Variants in CLASP2 observed in about 807,000 individuals in gnomAD.
CLASP2 encodes the protein cytoplasmic linker associated protein 2.
A neutral mutation model predicts 194.4 loss-of-function variants in CLASP2; 47 were observed. The ratio of observed to expected loss-of-function variants is 0.24; its 90% CI spans 0.19 to 0.31. CLASP2 has a LOEUF of 0.31. CLASP2 is among the 10% of genes least tolerant of loss of function. The pLI is 1.00. For synonymous variants in CLASP2, 619 were observed against 633.5 expected (o/e 0.98, Z 0.34); for missense variants, 1,445 against 1,823.6 (o/e 0.79, Z 3.78).
At position 33,498,584 on chromosome 3, in the gene CLASP2, T is replaced by C. The variant is rs746678976; in HGVS notation, c.*47A>G. 4.1e-6 allele frequency: 5 copies of C among 1,220,554 alleles called. No homozygotes were observed. The highest frequency in any genetic ancestry group is 1.5e-5 in the African/African-American group (1 of 66,750). 75.6% of individuals were successfully genotyped at this position (1,220,554 alleles called of 1,614,324 possible). A position where few individuals can be genotyped will look rare whatever the true frequency, so the allele number is the denominator to read the frequency against. On this transcript the variant is annotated 3_prime_UTR_variant, in exon 39 of 39. Transcript: ENST00000682230. ...CTTCCTTTCATTGATGAGGGTGGTC[T>C]ATCTGTCCTTTCTTTTGAGAGACCT...
At chr3:33,565,860 T>C (rs958000004) in intron 27 of CLASP2, among the ~76,000 whole-genome samples, 3 of 151,382 alleles carry the variant, frequency 2.0e-5, no homozygotes, top group Admixed American at 6.6e-5. Context: ...ATAAATAAAA[T>C]ATATGTTAAT....
chr3:33,717,947 C>G lies in CLASP2; in HGVS notation c.56G>C (p.Gly19Ala), dbSNP rs1426417222. ...FCAQVQQKDV[G>A]GRLQVGQELL... is the part of the protein sequence containing the mutation. ...CTCCTGGCCGACCTGCAGCCGGCCG[C>G]CGACGTCCTTCTGCTGCACCTGGGC... The change falls in exon 1 of 39, where the codon GGC becomes GCC. Residue 19 changes from glycine to alanine, a missense_variant. By Grantham distance (60) the Gly-to-Ala change is moderately conservative. Transcript: ENST00000682230. The G allele has an allele frequency of 1.9e-5, 30 of 1,546,232 alleles. No individual in the cohort carries two copies. The highest frequency in any genetic ancestry group is 2.4e-5 in the East Asian group (1 of 40,938).
rs982283557 is a variant in CLASP2 at position 33,687,204 on chromosome 3, A to G, written c.471-69T>C. The G allele has an allele frequency of 2.4e-5, 23 of 941,634 alleles. 1 individual carries two copies. Among genetic ancestry groups the G allele is most frequent in the South Asian group, 7.7e-5 (5 of 65,062 alleles). The allele number at this position is 941,634 out of a possible 1,614,324, so 58.3% of individuals were successfully genotyped here. On this transcript the variant is annotated intron_variant, in intron 4 of 38. Coordinates refer to ENST00000682230, the MANE Select transcript of CLASP2 (RefSeq NM_001365631.1). ...TAAACAGTAAACAAAATATCCTTAT[A>G]CCTTCTTGTCTGTAGCAATATAACA...
chr3:33,586,320 A>G (rs991164950), intron 21 of CLASP2, among the ~76,000 whole-genome samples: 1 of 152,006 alleles, frequency 6.6e-6, no homozygotes, highest in Admixed American at 6.6e-5. Context: ...TTTTTAGTAG[A>G]GACAGGATTT....
At chr3:33,548,445 G>A (rs376856533) in intron 30 of CLASP2, among the ~76,000 whole-genome samples, 63 of 151,802 alleles carry the variant, frequency 4.2e-4, no homozygotes, top group Middle Eastern at 3.4e-3. Flanking sequence ...CTGCAGGTGC[G>A]TGCCACCACA....
chr3:33,650,611 T>C (rs2083016739), intron 7 of CLASP2, among the ~76,000 whole-genome samples: 1 of 148,498 alleles, frequency 6.7e-6, no homozygotes, highest in Non-Finnish European at 1.5e-5. Context: ...GGAAATGAAG[T>C]AGGAATAGAT....
intron 34 of CLASP2, among the ~76,000 whole-genome samples, chr3:33,526,053 G>A (rs570580112): frequency 5.9e-4 from 89 of 151,976 alleles, no homozygotes; most frequent in Middle Eastern, 3.4e-3. Flanking sequence ...CCACCAAAGC[G>A]TGGGCAGGCT....
chr3:33,713,035 A>AAAAAAAAAAAAAG (rs2093108228), intron 1 of CLASP2, among the ~76,000 whole-genome samples: 1 of 149,138 alleles, frequency 6.7e-6, no homozygotes, highest in East Asian at 2.0e-4. Flanking sequence ...AAAAAAAAAA[A>AAAAAAAAAAAAAG]AAAAGAAAGT....
At chr3:33,646,302 G>A (rs775961762) in intron 7 of CLASP2, among the ~76,000 whole-genome samples, 1 of 151,742 alleles carries the variant, frequency 6.6e-6, no homozygotes, top group African/African-American at 2.4e-5. Flanking sequence ...GAATCAAATA[G>A]ACACTCTAAA....
At position 33,584,782 on chromosome 3, in the gene CLASP2, C is replaced by G; in HGVS notation, c.2207G>C (p.Ser736Thr). ...AAGCCTAGATGGACTAGCCTCTCTG[C>G]TACAGCCCTGGCTCCGTGGTATCTT... Reference protein sequence around the residue: ...RSKIPRSQGCSREASPSRLSV... With the variant: ...RSKIPRSQGCTREASPSRLSV... The change falls in exon 22 of 39, where the codon AGC (serine) becomes ACC (threonine). Residue 736 changes from serine (S) to threonine (T), a missense_variant. By Grantham distance (58) the Ser-to-Thr change is moderately conservative. Transcript: ENST00000682230. 6.2e-7 allele frequency: 1 copy of G among 1,605,710 alleles called. No homozygotes were observed. The highest frequency in any genetic ancestry group is 8.5e-7 in the Non-Finnish European group (1 of 1,175,556).
chr3:33,550,860 G>T (rs1206633104), intron 30 of CLASP2, among the ~76,000 whole-genome samples: 1 of 152,120 alleles, frequency 6.6e-6, no homozygotes, highest in Non-Finnish European at 1.5e-5. Context: ...GAGAAAGCTA[G>T]GTCCTCACTT....
At chr3:33,609,970 A>T (rs1375020689) in intron 13 of CLASP2, among the ~76,000 whole-genome samples, 2 of 151,604 alleles carry the variant, frequency 1.3e-5, no homozygotes, top group African/African-American at 4.8e-5. Context: ...TCCAGAACTC[A>T]CAGTCTGAAG....
intron 23 of CLASP2, chr3:33,577,151 TA>T: frequency 7.7e-7 from 1 of 1,303,728 alleles, no homozygotes; most frequent in Non-Finnish European, 1.1e-6. Context: ...CTGAAAAGGA[TA>T]AAATCTGAGA....
intron 29 of CLASP2, among the ~76,000 whole-genome samples, chr3:33,556,245 A>T (rs1463328452): frequency 1.3e-5 from 2 of 152,162 alleles, no homozygotes; most frequent in East Asian, 3.8e-4. Context: ...TATCTGAAAG[A>T]TCAATAAAAA....
chr3:33,598,161 CT>C lies in CLASP2; in HGVS notation c.1925-1428del, dbSNP rs576934464. 9.3e-3 allele frequency among the ~76,000 whole-genome samples: 1,335 copies of C among 143,086 alleles called. 2 individuals are homozygous for C. Among genetic ancestry groups the C allele is most frequent in the Non-Finnish European group, 0.012 (791 of 64,914 alleles). 93.9% of individuals were successfully genotyped at this position (143,086 alleles called of 152,430 possible). ...GACTCCTTCAGACTATCTCACAGGT[CT>C]TTTTTTTTTTTTCACTCTAATAAAT... On this transcript the variant is annotated intron_variant, in intron 18 of 38. Coordinates refer to ENST00000682230, the MANE Select transcript of CLASP2 (RefSeq NM_001365631.1).
chr3:33,528,454 C>A (rs2055222690), intron 34 of CLASP2, among the ~76,000 whole-genome samples: 1 of 152,074 alleles, frequency 6.6e-6, no homozygotes, highest in South Asian at 2.1e-4. Flanking sequence ...AGCAATCAGG[C>A]AAGAGAAAGA....
intron 1 of CLASP2, among the ~76,000 whole-genome samples, chr3:33,715,173 A>G (rs550688460): frequency 6.6e-6 from 1 of 152,198 alleles, no homozygotes; most frequent in East Asian, 1.9e-4. Context: ...ACCTTTCTTG[A>G]CCACCCAAAG....
chr3:33,687,990 T>A (rs1011492408), intron 4 of CLASP2, among the ~76,000 whole-genome samples: 1 of 152,236 alleles, frequency 6.6e-6, no homozygotes, highest in East Asian at 1.9e-4. Context: ...AGAACAGAAG[T>A]AGATACTAAG....
chr3:33,522,027 T>A (rs12496602), intron 34 of CLASP2, among the ~76,000 whole-genome samples: 10,847 of 152,102 alleles, frequency 0.071, 486 homozygotes, highest in Admixed American at 0.097. Flanking sequence ...TGCTGCTTTT[T>A]TTTTTCTTCC....
Sources: gnomAD v4.1 joint callset for allele counts (sites outside exome capture counted in the v4.1 genomes callset) on GRCh38, gnomAD v4.1.1 for gene constraint, MANE v1.5 for transcripts, NCBI Gene and HGNC (gene_info 2026-07-23, HGNC 2026-07-21) for gene names.